Variants in EZR observed in about 807,000 individuals in gnomAD.
EZR encodes ezrin.
A neutral mutation model predicts 74.8 loss-of-function variants in EZR; 40 were observed. That is an observed-to-expected ratio of 0.53 (90% confidence interval 0.42 to 0.70). EZR has a LOEUF of 0.70. Among genes scored for constraint, EZR ranks in the 30% least tolerant of loss-of-function variants. The pLI, the probability that EZR is intolerant of heterozygous loss-of-function variation, is 0.00. For missense variants in EZR, 678 were observed against 755.8 expected (o/e 0.90, Z 1.21); for synonymous variants, 341 against 283.3 (o/e 1.20, Z -2.05).
At chr6:158,795,639 G>A (rs1162276854) in intron 2 of EZR, among the ~76,000 whole-genome samples, 1 of 152,206 alleles carries the variant, frequency 6.6e-6, no homozygotes, top group Non-Finnish European at 1.5e-5. Flanking sequence ...TGTGAGTACA[G>A]AGAGGCATTA....
chr6:158,787,293 A>G (rs1791609701), intron 3 of EZR, 90 bp from the exon 4 acceptor site: 3 of 1,026,474 alleles, frequency 2.9e-6, no homozygotes, highest in Admixed American at 2.0e-5. Flanking sequence ...ATGGTCTAGC[A>G]GAGTCCCCAG....
rs150584144 is a variant in EZR, at chr6:158,771,246, C to T, written c.957G>A (p.Glu319=). The part of the protein sequence containing the change: ...AREEKHQKQL[E]RQQLETEKKR... ...CCACTCTGGCCTCACGCGCTCACCG[C>T]TCCAGCTGCTTCTGATGCTTCTCCT... Residue 319 remains glutamate (E), a splice_region_variant and synonymous_variant, in exon 9 of 14, where the codon GAG becomes GAA. Transcript: ENST00000367075. The T allele has an allele frequency of 9.6e-5, 155 of 1,611,572 alleles. No homozygotes were observed. The highest frequency in any genetic ancestry group is 8.8e-5 in the South Asian group (8 of 90,632).
At chr6:158,815,628 G>A (rs1304480630) in intron 2 of EZR, among the ~76,000 whole-genome samples, 2 of 152,150 alleles carry the variant, frequency 1.3e-5, no homozygotes, top group African/African-American at 2.4e-5. Flanking sequence ...ACCACACCCA[G>A]ATAATTTTTC....
At position 158,766,977 on chromosome 6, in the gene EZR, C is replaced by G. The variant is rs767187886; in HGVS notation, c.1698G>C (p.Lys566Asn). Residue 566 changes from lysine to asparagine, a missense_variant, in exon 14 of 14, where the codon AAG becomes AAC. This residue lies in a region of EZR where 342 missense variants were observed against 341.2 expected (regional missense o/e 1.00). Transcript: ENST00000367075. ...TGCCCTGCCGGATCTGCCGCAGCGTCTTGTACTTGTCCCGGCCTTGCCTCA... is the reference window on the plus strand; with the variant it reads ...TGCCCTGCCGGATCTGCCGCAGCGTGTTGTACTTGTCCCGGCCTTGCCTCA... Reference protein sequence around the residue: ...ENMRQGRDKYKTLRQIRQGNT... With the variant: ...ENMRQGRDKYNTLRQIRQGNT... 6.2e-7 allele frequency: 1 copy of G among 1,614,100 alleles called. No individual in the cohort carries two copies. The highest frequency in any genetic ancestry group is 1.3e-5 in the African/African-American group (1 of 74,932).
rs564465072 is a variant in EZR at position 158,815,049 on chromosome 6, T to G, written c.12+3033A>C. On this transcript the variant is annotated intron_variant, in intron 2 of 13. Transcript: ENST00000367075. ...CCAACTACTCAGAGGTATCCATCCT[T>G]TAAGTGTGTTTGCCCCTTAATCCAG... Among the ~76,000 whole-genome samples, 4 of 152,336 alleles carry G rather than the reference T, an allele frequency of 2.6e-5. No homozygotes were observed. The South Asian group carries it at 6.2e-4, about 24-fold the overall frequency.
intron 5 of EZR, 114 bp from the exon 6 acceptor site, chr6:158,784,841 C>G (rs1293456790): frequency 1.2e-6 from 1 of 812,048 alleles, no homozygotes; most frequent in African/African-American, 1.7e-5. Context: ...TCAATCAATC[C>G]CAAAGAGCTT....
chr6:158,812,011 C>T (rs9347258), intron 2 of EZR, among the ~76,000 whole-genome samples: 62,153 of 151,888 alleles, frequency 0.41, 13,365 homozygotes, highest in Non-Finnish European at 0.49. Flanking sequence ...TCTTTGAAAA[C>T]AAAGAGCCAA....
At chr6:158,775,218 A>C (rs1791243043) in intron 8 of EZR, among the ~76,000 whole-genome samples, 1 of 151,858 alleles carries the variant, frequency 6.6e-6, no homozygotes, top group South Asian at 2.1e-4. Context: ...TTTTTAGTAG[A>C]GATGGGGTTT....
chr6:158,772,741 AGG>A (rs1791154991), intron 8 of EZR, among the ~76,000 whole-genome samples: 1 of 152,160 alleles, frequency 6.6e-6, no homozygotes, highest in African/African-American at 2.4e-5. Context: ...TCTTAACCTC[AGG>A]GCCCCCAGCA....
chr6:158,803,673 TAC>T (rs1273394526), intron 2 of EZR, among the ~76,000 whole-genome samples: 4 of 133,458 alleles, frequency 3.0e-5, no homozygotes, highest in Non-Finnish European at 3.2e-5. Context: ...ATATAAAATA[TAC>T]AGAGAGAGTC....
chr6:158,775,869 G>A (rs776920059), intron 8 of EZR, among the ~76,000 whole-genome samples: 6 of 152,186 alleles, frequency 3.9e-5, no homozygotes, highest in Non-Finnish European at 7.3e-5. Context: ...ATAAAGTGTC[G>A]CCTTCTTACC....
chr6:158,766,810 G>T lies in EZR; in HGVS notation c.*104C>A. ...GGGTAACTGCTTTCTAAAGGAACTGGGATCTGAGGGAGTTCCTAGACTTGG... is the reference window on the plus strand; with the variant it reads ...GGGTAACTGCTTTCTAAAGGAACTGTGATCTGAGGGAGTTCCTAGACTTGG... On this transcript the variant is annotated 3_prime_UTR_variant, in exon 14 of 14. Coordinates refer to ENST00000367075, the MANE Select transcript of EZR (RefSeq NM_001111077.2). The T allele has an allele frequency of 8.9e-7, 1 of 1,127,800 alleles. No homozygotes were observed. Among genetic ancestry groups the T allele is most frequent in the Non-Finnish European group, 1.3e-6 (1 of 781,036 alleles). 69.9% of individuals were successfully genotyped at this position (1,127,800 alleles called of 1,614,324 possible).
In EZR at chr6:158,769,811, C is replaced by T. The variant is rs1026072290; in HGVS notation, c.1224G>A (p.Val408=). 4 of 1,613,890 alleles carry T rather than the reference C, an allele frequency of 2.5e-6. No homozygotes were observed. Among genetic ancestry groups the T allele is most frequent in the African/African-American group, 2.7e-5 (2 of 74,922 alleles). ...GCTGCTCCTGGCTCTTTATCTGATC[C>T]ACCGCCTGTCTCTCCAGCTCCTCCT... is the stretch of plus-strand genomic sequence containing the variant. ...RAKEELERQA[V]DQIKSQEQLA... Residue 408 remains valine (V), a synonymous_variant, in exon 11 of 14, where the codon GTG becomes GTA. Transcript: ENST00000367075.
intron 2 of EZR, among the ~76,000 whole-genome samples, chr6:158,798,235 AT>A (rs1777114068): frequency 7.4e-6 from 1 of 135,238 alleles, no homozygotes; most frequent in African/African-American, 2.7e-5. Flanking sequence ...GGTGATGGAC[AT>A]TTAACTTGCT....
chr6:158,786,149 G>A (rs565541105), intron 4 of EZR, among the ~76,000 whole-genome samples: 3 of 152,174 alleles, frequency 2.0e-5, no homozygotes, highest in Admixed American at 6.5e-5. Context: ...TGAGGTGGGC[G>A]GACCACGAGG....
At position 158,800,799 on chromosome 6, in the gene EZR, C is replaced by A. The variant is rs562985861; in HGVS notation, c.13-11428G>T. Among the ~76,000 whole-genome samples, 21 of 151,042 alleles carry A rather than the reference C, an allele frequency of 1.4e-4. No individual in the cohort carries two copies. In the South Asian group the frequency reaches 4.2e-3, roughly 30 times the overall value. On this transcript the variant is annotated intron_variant, in intron 2 of 13. Transcript: ENST00000367075. ...CCTGGGTGACAGAGTGAGACTGTCT[C>A]AAAAAGAAAAAAAAATTGTACTAAT...
At chr6:158,773,028 G>C (rs1174453908) in intron 8 of EZR, among the ~76,000 whole-genome samples, 1 of 152,172 alleles carries the variant, frequency 6.6e-6, no homozygotes, top group African/African-American at 2.4e-5. Context: ...GTTTCCCAGG[G>C]AGGAGTCTGT....
At chr6:158,791,729 GAC>G (rs1023978163) in intron 2 of EZR, among the ~76,000 whole-genome samples, 10 of 28,030 alleles carry the variant, frequency 3.6e-4, no homozygotes, top group African/African-American at 1.1e-3. Context: ...TTTTTTTTGA[GAC>G]AGAGTCTTTC....
Position 158,783,527 on chromosome 6 carries a change from C to T in EZR, c.691G>A (p.Asp231Asn). Residue 231 changes from aspartate to asparagine, a missense_variant, in exon 7 of 14, where the codon GAT becomes AAT. Asp to Asn is a conservative substitution (Grantham distance 23). Transcript: ENST00000367075. ...DALGLNIYEK[D>N]DKLTPKIGFP... ...CTGTGAACTTCAACTCACTTATCAT[C>T]TTTCTCATAAATATTCAGTCCAAGG... 6.2e-7 allele frequency: 1 copy of T among 1,612,092 alleles called. No individual in the cohort carries two copies. Among genetic ancestry groups the T allele is most frequent in the Non-Finnish European group, 8.5e-7 (1 of 1,178,926 alleles).
Sources: gnomAD v4.1 joint callset for allele counts (sites outside exome capture counted in the v4.1 genomes callset) on GRCh38, gnomAD v4.1.1 for gene constraint, gnomAD v4.1.1 regional missense constraint, MANE v1.5 for transcripts, NCBI Gene and HGNC (gene_info 2026-07-23, HGNC 2026-07-21) for gene names.